The following BMPER variants were observed in gnomAD, a reference collection of about 807,000 sequenced individuals.
BMPER encodes BMP-binding endothelial regulator protein.
Under a neutral mutation model 87.3 loss-of-function variants are expected in BMPER, and 45 were observed. The observed-to-expected ratio is 0.52, with a 90% CI of 0.41 to 0.66. The LOEUF is 0.66. Among genes scored for constraint, BMPER ranks in the 30% least tolerant of loss-of-function variants. BMPER has a pLI of 0.00. For missense variants in BMPER, 784 were observed against 867.5 expected (o/e 0.90, Z 1.21); for synonymous variants, 326 against 316.2 (o/e 1.03, Z -0.33).
intron 4 of BMPER, 108 bp from the exon 5 acceptor site, chr7:33,970,221 C>A: frequency 9.0e-7 from 1 of 1,114,310 alleles, no homozygotes; most frequent in Non-Finnish European, 1.4e-6. Context: ...ACCCACCAAA[C>A]CTTGTGGTTT....
intron 6 of BMPER, among the ~76,000 whole-genome samples, chr7:33,985,863 A>G (rs1475178975): frequency 1.3e-5 from 2 of 152,200 alleles, no homozygotes; most frequent in African/African-American, 4.8e-5. Context: ...GTTTAAAAAC[A>G]CTGAAACTGC....
chr7:34,041,588 A>G (rs993024321), intron 6 of BMPER, among the ~76,000 whole-genome samples: 20 of 152,158 alleles, frequency 1.3e-4, no homozygotes, highest in African/African-American at 4.8e-4. Flanking sequence ...TTTTTGGTGA[A>G]GCTTTTTGAC....
intron 2 of BMPER, among the ~76,000 whole-genome samples, chr7:33,910,480 T>C (rs1783930724): frequency 6.6e-6 from 1 of 152,156 alleles, no homozygotes; most frequent in Non-Finnish European, 1.5e-5. Context: ...CACCTAACTG[T>C]AGAATAGGAG....
intron 13 of BMPER, among the ~76,000 whole-genome samples, chr7:34,140,556 G>A (rs1351117309): frequency 6.6e-6 from 1 of 152,200 alleles, no homozygotes; most frequent in Non-Finnish European, 1.5e-5. Context: ...CATTGATTGT[G>A]TCTGTGGAGA....
intron 12 of BMPER, among the ~76,000 whole-genome samples, chr7:34,081,614 C>A (rs1446530970): frequency 2.0e-5 from 3 of 152,230 alleles, no homozygotes; most frequent in Non-Finnish European, 4.4e-5. Flanking sequence ...CAACTCTTGA[C>A]ACTTAGCAAA....
intron 13 of BMPER, among the ~76,000 whole-genome samples, chr7:34,097,596 G>A (rs552284861): frequency 6.6e-6 from 1 of 152,204 alleles, no homozygotes; most frequent in African/African-American, 2.4e-5. Flanking sequence ...CACCTACAGA[G>A]CTGATTCAGT....
chr7:33,978,056 C>T (rs1785735687), intron 6 of BMPER, among the ~76,000 whole-genome samples: 1 of 152,150 alleles, frequency 6.6e-6, no homozygotes, highest in South Asian at 2.1e-4. Context: ...ACTTAATCGC[C>T]ATTGTGGTGG....
intron 13 of BMPER, among the ~76,000 whole-genome samples, chr7:34,128,243 G>A (rs1790453077): frequency 6.6e-6 from 1 of 152,056 alleles, no homozygotes; most frequent in East Asian, 1.9e-4. Context: ...TAACTCAAAT[G>A]ATGCCACCTC....
intron 4 of BMPER, among the ~76,000 whole-genome samples, chr7:33,967,784 C>T (rs1785440730): frequency 6.6e-6 from 1 of 152,184 alleles, no homozygotes; most frequent in Non-Finnish European, 1.5e-5. Flanking sequence ...TGGTAGAGCA[C>T]TCAGAAAACC....
intron 3 of BMPER, among the ~76,000 whole-genome samples, chr7:33,947,963 G>C (rs1189256374): frequency 6.6e-6 from 1 of 152,108 alleles, no homozygotes; most frequent in South Asian, 2.1e-4. Context: ...GACACTTTCT[G>C]TGTTGACAGA....
At chr7:34,144,938 C>T (rs1218259643) in intron 14 of BMPER, among the ~76,000 whole-genome samples, 1 of 152,180 alleles carries the variant, frequency 6.6e-6, no homozygotes, top group African/African-American at 2.4e-5. Context: ...AGAGTGGTCA[C>T]TGGTTAAAGG....
chr7:34,089,264 T>C (rs1333519254), intron 13 of BMPER, among the ~76,000 whole-genome samples: 1 of 152,166 alleles, frequency 6.6e-6, no homozygotes. Context: ...CAAATAACTT[T>C]CTGAGCACCA....
chr7:34,004,594 G>T (rs1200979445), intron 6 of BMPER, among the ~76,000 whole-genome samples: 2 of 152,102 alleles, frequency 1.3e-5, no homozygotes, highest in Non-Finnish European at 2.9e-5. Flanking sequence ...TATCATTGTT[G>T]CTGTTTGTCA....
At chr7:34,101,854 C>T (rs1280655096) in intron 13 of BMPER, among the ~76,000 whole-genome samples, 1 of 152,206 alleles carries the variant, frequency 6.6e-6, no homozygotes, top group East Asian at 1.9e-4. Flanking sequence ...CAGCTCAGGG[C>T]AGCGTACAAC....
intron 11 of BMPER, among the ~76,000 whole-genome samples, chr7:34,072,486 G>T: frequency 6.6e-6 from 1 of 151,494 alleles, no homozygotes; most frequent in East Asian, 1.9e-4. Flanking sequence ...ACATTCCTTG[G>T]CTCCTGACCC....
intron 3 of BMPER, among the ~76,000 whole-genome samples, chr7:33,958,760 G>A (rs1785203945): frequency 6.6e-6 from 1 of 152,164 alleles, no homozygotes; most frequent in South Asian, 2.1e-4. Context: ...AATGTTATCT[G>A]TTGTGGAGTT....
intron 13 of BMPER, among the ~76,000 whole-genome samples, chr7:34,125,536 A>T (rs1268039189): frequency 1.3e-5 from 2 of 152,156 alleles, no homozygotes; most frequent in Non-Finnish European, 2.9e-5. Context: ...TTTTTATATC[A>T]CTAGTTCTCA....
intron 1 of BMPER, among the ~76,000 whole-genome samples, chr7:33,906,316 G>C (rs186693158): frequency 6.6e-6 from 1 of 152,214 alleles, no homozygotes; most frequent in Non-Finnish European, 1.5e-5. Context: ...CAATTTCTAA[G>C]AGAAGGGAAA....
At chr7:34,001,570 T>C (rs888005884) in intron 6 of BMPER, among the ~76,000 whole-genome samples, 3 of 151,798 alleles carry the variant, frequency 2.0e-5, no homozygotes, top group Non-Finnish European at 3.0e-5. Flanking sequence ...TTTCTTTTTT[T>C]TTTTTTTCTG....
Sources: gnomAD v4.1 joint callset for allele counts (sites outside exome capture counted in the v4.1 genomes callset) on GRCh38, gnomAD v4.1.1 for gene constraint, MANE v1.5 for transcripts, NCBI Gene and HGNC (gene_info 2026-07-23, HGNC 2026-07-21) for gene names.